Variants in TULP4 observed in about 807,000 individuals in gnomAD.
TULP4 encodes TUB like protein 4, also known as tubby-related protein 4.
TULP4 carries 16 observed loss-of-function variants against 129.0 expected under a neutral mutation model. That is an observed-to-expected ratio of 0.12 (90% CI 0.08 to 0.19). The LOEUF is 0.19. TULP4 is among the 10% of genes least tolerant of loss of function. The pLI is 1.00. For synonymous variants in TULP4, 998 were observed against 854.0 expected (o/e 1.17, Z -2.94); for missense variants, 1,842 against 2,059.1 (o/e 0.89, Z 2.04).
At chr6:158,422,410 A>C (rs957849233) in intron 2 of TULP4, among the ~76,000 whole-genome samples, 3 of 152,246 alleles carry the variant, frequency 2.0e-5, no homozygotes, top group Non-Finnish European at 4.4e-5. Flanking sequence ...TGTATTTTTT[A>C]AAAAGAAAAC....
chr6:158,248,360 C>T (rs1778070739), intron 1 of TULP4, among the ~76,000 whole-genome samples: 1 of 152,178 alleles, frequency 6.6e-6, no homozygotes, highest in South Asian at 2.1e-4. Flanking sequence ...AGCTCTGCCT[C>T]CTGGGTTCAC....
chr6:158,339,544 C>CTA (rs1341797522), intron 1 of TULP4, among the ~76,000 whole-genome samples: 1 of 152,118 alleles, frequency 6.6e-6, no homozygotes, highest in African/African-American at 2.4e-5. Context: ...GGCAGACACT[C>CTA]CTAGGGTGGC....
chr6:158,357,357 CAG>C (rs1252172478), intron 1 of TULP4, among the ~76,000 whole-genome samples: 1 of 152,222 alleles, frequency 6.6e-6, no homozygotes, highest in Non-Finnish European at 1.5e-5. Context: ...GAGCTGCAGG[CAG>C]AGTCATTTGT....
At chr6:158,364,400 T>G (rs1462054408) in intron 1 of TULP4, among the ~76,000 whole-genome samples, 1 of 152,190 alleles carries the variant, frequency 6.6e-6, no homozygotes, top group Non-Finnish European at 1.5e-5. Flanking sequence ...CTTCTTTCCC[T>G]TTGGGTTTTT....
At chr6:158,333,675 T>C (rs953252898) in intron 1 of TULP4, among the ~76,000 whole-genome samples, 2 of 152,188 alleles carry the variant, frequency 1.3e-5, no homozygotes, top group African/African-American at 4.8e-5. Flanking sequence ...TTTGTGACAA[T>C]TTGAAAAAAT....
At chr6:158,343,502 A>T (rs532301635) in intron 1 of TULP4, among the ~76,000 whole-genome samples, 2 of 152,286 alleles carry the variant, frequency 1.3e-5, no homozygotes, top group South Asian at 4.1e-4. Context: ...GATTTGGGTC[A>T]TGAGGATGGA....
At chr6:158,496,007 C>T (rs772724257) in intron 11 of TULP4, among the ~76,000 whole-genome samples, 2 of 152,092 alleles carry the variant, frequency 1.3e-5, no homozygotes, top group Non-Finnish European at 2.9e-5. Flanking sequence ...AACATGTATT[C>T]GGATCTGCCC....
At chr6:158,288,752 G>A (rs753520526) in intron 1 of TULP4, among the ~76,000 whole-genome samples, 26 of 152,016 alleles carry the variant, frequency 1.7e-4, no homozygotes, top group Non-Finnish European at 3.2e-4. Context: ...CACCCTCCTC[G>A]ACCTCCCAAA....
intron 1 of TULP4, among the ~76,000 whole-genome samples, chr6:158,266,345 G>A (rs1300733860): frequency 1.3e-5 from 2 of 152,134 alleles, no homozygotes; most frequent in Non-Finnish European, 2.9e-5. Context: ...CAGCCTTGAC[G>A]TCCCGGGTTC....
At chr6:158,469,302 C>T (rs1438992386) in intron 6 of TULP4, among the ~76,000 whole-genome samples, 13 of 150,016 alleles carry the variant, frequency 8.7e-5, no homozygotes. Context: ...GAGACAGGAT[C>T]TCACTCTGTC....
chr6:158,480,951 G>C, intron 7 of TULP4, 104 bp from the exon 8 acceptor site: 3 of 1,022,634 alleles, frequency 2.9e-6, no homozygotes, highest in Non-Finnish European at 4.3e-6. Flanking sequence ...GCTCTGTCTG[G>C]AACAGTAGCG....
intron 1 of TULP4, among the ~76,000 whole-genome samples, chr6:158,382,935 T>C (rs1777360947): frequency 6.6e-6 from 1 of 152,198 alleles, no homozygotes; most frequent in African/African-American, 2.4e-5. Context: ...ATGCCATTAA[T>C]CTTGGAAAGT....
intron 3 of TULP4, among the ~76,000 whole-genome samples, chr6:158,440,538 A>T (rs1483412468): frequency 6.6e-6 from 1 of 152,154 alleles, no homozygotes; most frequent in African/African-American, 2.4e-5. Flanking sequence ...CTTCTTTCCC[A>T]TCAGATCTGC....
intron 1 of TULP4, among the ~76,000 whole-genome samples, chr6:158,244,855 T>TA (rs1349076435): frequency 6.6e-6 from 1 of 151,942 alleles, no homozygotes; most frequent in Non-Finnish European, 1.5e-5. Flanking sequence ...TAAATAATAA[T>TA]AAAAAAACTA....
upstream of TULP4, among the ~76,000 whole-genome samples, chr6:158,308,977 A>G (rs1482017527): frequency 2.3e-3 from 155 of 67,034 alleles, no homozygotes; most frequent in African/African-American, 6.1e-3. Context: ...CTGGCCGGGC[A>G]GGGGGCTGAC....
At chr6:158,402,892 T>G (rs931910253) in intron 1 of TULP4, among the ~76,000 whole-genome samples, 3 of 145,042 alleles carry the variant, frequency 2.1e-5, no homozygotes, top group African/African-American at 8.5e-5. Context: ...TTGGGAGTTT[T>G]TTTTTTTTTT....
intron 1 of TULP4, among the ~76,000 whole-genome samples, chr6:158,355,650 A>C (rs2114816615): frequency 6.6e-6 from 1 of 152,258 alleles, no homozygotes; most frequent in East Asian, 1.9e-4. Flanking sequence ...AGGAAATGGG[A>C]ATGGAGAGGT....
intron 1 of TULP4, among the ~76,000 whole-genome samples, chr6:158,356,866 A>G (rs1005264837): frequency 6.6e-6 from 1 of 152,162 alleles, no homozygotes; most frequent in Non-Finnish European, 1.5e-5. Context: ...AGGACTGACC[A>G]TGAGTGAGTA....
intron 3 of TULP4, among the ~76,000 whole-genome samples, chr6:158,444,354 C>T (rs1189895014): frequency 6.9e-6 from 1 of 145,792 alleles, no homozygotes; most frequent in Non-Finnish European, 1.5e-5. Context: ...CTATCTGCAG[C>T]TACACATGCG....
Sources: gnomAD v4.1 joint callset for allele counts (sites outside exome capture counted in the v4.1 genomes callset) on GRCh38, gnomAD v4.1.1 for gene constraint, MANE v1.5 for transcripts, NCBI Gene and HGNC (gene_info 2026-07-23, HGNC 2026-07-21) for gene names.